GRIN2A: variants seen among roughly 807,000 people sequenced by gnomAD.
GRIN2A encodes the protein glutamate receptor ionotropic, NMDA 2A.
A neutral mutation model predicts 113.4 loss-of-function variants in GRIN2A; 22 were observed. The ratio of observed to expected loss-of-function variants is 0.19; its 90% CI spans 0.14 to 0.28. The LOEUF is 0.28. Ranked by LOEUF, GRIN2A falls within the 10% of genes least tolerant of loss-of-function variation. The pLI is 1.00. For missense variants in GRIN2A, 1,502 were observed against 1,887.0 expected (o/e 0.80, Z 3.78); for synonymous variants, 827 against 738.4 (o/e 1.12, Z -1.94).
intron 2 of GRIN2A, among the ~76,000 whole-genome samples, chr16:10,006,195 C>T (rs769303446): frequency 6.6e-6 from 1 of 152,348 alleles, no homozygotes; most frequent in Non-Finnish European, 1.5e-5. Flanking sequence ...ACTGTGCTCT[C>T]CTGGCCCTTG....
chr16:9,823,422 A>G (rs1042992075), intron 9 of GRIN2A, among the ~76,000 whole-genome samples: 3 of 152,196 alleles, frequency 2.0e-5, no homozygotes, highest in African/African-American at 7.2e-5. Context: ...TGAAGATCTC[A>G]ACATACATTT....
intron 2 of GRIN2A, among the ~76,000 whole-genome samples, chr16:10,073,546 G>C (rs1442849192): frequency 6.6e-6 from 1 of 152,078 alleles, no homozygotes; most frequent in Non-Finnish European, 1.5e-5. Flanking sequence ...AACCAGTACA[G>C]CATTAAGAAA....
chr16:9,769,257 A>G (rs2141151861), intron 11 of GRIN2A, 168 bp from the exon 12 acceptor site: 6 of 624,122 alleles, frequency 9.6e-6, no homozygotes, highest in East Asian at 2.8e-5. Flanking sequence ...GAAGATAATA[A>G]TGATTACATA....
chr16:9,795,772 A>G (rs1414245147), intron 11 of GRIN2A, among the ~76,000 whole-genome samples: 1 of 152,240 alleles, frequency 6.6e-6, no homozygotes. Context: ...GCTAAAAAAG[A>G]TCACTTCTTT....
chr16:9,759,560 C>T lies in GRIN2A; in HGVS notation c.*3589G>A, dbSNP rs763658518. 3.5e-5 allele frequency: 8 copies of T among 226,328 alleles called. No individual in the cohort carries two copies. The highest frequency in any genetic ancestry group is 5.7e-5 in the Admixed American group (1 of 17,548). The allele number at this position is 226,328 out of a possible 1,614,324, so 14.0% of individuals were successfully genotyped here. A position where few individuals can be genotyped will look rare whatever the true frequency, so the allele number is the denominator to read the frequency against. On this transcript the variant is annotated 3_prime_UTR_variant, in exon 13 of 13. Transcript: ENST00000330684. The stretch of plus-strand genomic sequence containing the variant: ...AGAAAATAAGCGTGAAATGATTTGA[C>T]AGATTTTGCTGCAATGTGTGAATTT...
At chr16:10,128,926 G>A (rs566365440) in intron 2 of GRIN2A, among the ~76,000 whole-genome samples, 158 of 152,310 alleles carry the variant, frequency 1.0e-3, no homozygotes, top group African/African-American at 3.8e-3. Flanking sequence ...TTCTTACCAT[G>A]GCAGTTTCAA....
chr16:10,056,656 A>G (rs938632891), intron 2 of GRIN2A, among the ~76,000 whole-genome samples: 2 of 152,126 alleles, frequency 1.3e-5, no homozygotes, highest in African/African-American at 2.4e-5. Flanking sequence ...TGAAGAGGAG[A>G]AAACACAGGA....
chr16:9,903,581 C>T (rs1036148418), intron 3 of GRIN2A, among the ~76,000 whole-genome samples: 1 of 152,206 alleles, frequency 6.6e-6, no homozygotes, highest in South Asian at 2.1e-4. Context: ...TATTATTTTT[C>T]TGCAGCTGTA....
intron 3 of GRIN2A, among the ~76,000 whole-genome samples, chr16:9,900,909 T>C (rs571782772): frequency 6.6e-6 from 1 of 152,336 alleles, no homozygotes; most frequent in East Asian, 1.9e-4. Context: ...GGCGTGCATT[T>C]CCAAGTTCAC....
At chr16:10,076,983 C>T (rs1348816186) in intron 2 of GRIN2A, among the ~76,000 whole-genome samples, 1 of 152,134 alleles carries the variant, frequency 6.6e-6, no homozygotes, top group Non-Finnish European at 1.5e-5. Context: ...CTGCGTGGGG[C>T]CAATATCATC....
chr16:10,181,225 TCA>T (rs1053338858), intron 1 of GRIN2A, among the ~76,000 whole-genome samples: 13 of 151,994 alleles, frequency 8.6e-5, no homozygotes, highest in East Asian at 7.7e-4. Flanking sequence ...ACACACATGT[TCA>T]CACACACACA....
intron 11 of GRIN2A, among the ~76,000 whole-genome samples, chr16:9,783,228 G>A (rs1248336857): frequency 2.0e-5 from 3 of 152,150 alleles, no homozygotes. Flanking sequence ...CTCAATCAAC[G>A]GTCTTTAGCT....
At chr16:10,073,002 C>T (rs2047789933) in intron 2 of GRIN2A, among the ~76,000 whole-genome samples, 1 of 137,492 alleles carries the variant, frequency 7.3e-6, no homozygotes, top group Admixed American at 8.1e-5. Context: ...CAGGCCCAGG[C>T]TGGAGTACAG....
chr16:9,892,588 T>C (rs1166262996), intron 3 of GRIN2A, among the ~76,000 whole-genome samples: 2 of 152,068 alleles, frequency 1.3e-5, no homozygotes, highest in African/African-American at 4.8e-5. Context: ...TAAACTTAAT[T>C]TTTGGTCTAG....
intron 2 of GRIN2A, among the ~76,000 whole-genome samples, chr16:10,004,904 C>T (rs2046379707): frequency 1.3e-5 from 2 of 152,184 alleles, no homozygotes; most frequent in African/African-American, 2.4e-5. Flanking sequence ...GCCCTTTATT[C>T]AGCCTACTAC....
At chr16:10,165,511 C>CATATAT (rs58396840) in intron 2 of GRIN2A, among the ~76,000 whole-genome samples, 19 of 138,762 alleles carry the variant, frequency 1.4e-4, no homozygotes, top group Admixed American at 8.8e-4. Context: ...TATATATATA[C>CATATAT]ATATATATAT....
intron 4 of GRIN2A, among the ~76,000 whole-genome samples, chr16:9,871,231 T>G (rs1376709640): frequency 6.6e-6 from 1 of 152,098 alleles, no homozygotes; most frequent in Admixed American, 6.5e-5. Context: ...CATTCACAAA[T>G]TACAGCAAAT....
chr16:10,007,373 C>T (rs2046423165), intron 2 of GRIN2A, among the ~76,000 whole-genome samples: 1 of 152,110 alleles, frequency 6.6e-6, no homozygotes, highest in South Asian at 2.1e-4. Context: ...ATTTTTCTGA[C>T]CATTAGTGAT....
chr16:9,783,841 C>T (rs2141188640), intron 11 of GRIN2A, among the ~76,000 whole-genome samples: 1 of 152,234 alleles, frequency 6.6e-6, no homozygotes, highest in East Asian at 1.9e-4. Flanking sequence ...GAGCTGAAGA[C>T]CATTATTCTC....
Sources: gnomAD v4.1 joint callset for allele counts (sites outside exome capture counted in the v4.1 genomes callset) on GRCh38, gnomAD v4.1.1 for gene constraint, MANE v1.5 for transcripts, NCBI Gene and HGNC (gene_info 2026-07-23, HGNC 2026-07-21) for gene names.